Variants in ZFYVE28 observed in about 807,000 individuals in gnomAD.
ZFYVE28 encodes the protein lateral signaling target protein 2 homolog.
ZFYVE28 carries 40 observed loss-of-function variants against 82.1 expected under a neutral mutation model. The ratio of observed to expected loss-of-function variants is 0.49; its 90% CI spans 0.38 to 0.63. ZFYVE28 has a LOEUF of 0.63. Ranked by LOEUF, ZFYVE28 falls within the 30% of genes least tolerant of loss-of-function variation. The pLI is 0.00. For missense variants in ZFYVE28, 1,321 were observed against 1,242.1 expected, an observed-to-expected ratio of 1.06 and a Z score of -0.96; for synonymous variants, 612 against 546.1, an observed-to-expected ratio of 1.12 and a Z score of -1.68.
At chr4:2,410,855 A>T (rs1732451324) in intron 1 of ZFYVE28, among the ~76,000 whole-genome samples, 1 of 152,056 alleles carries the variant, frequency 6.6e-6, no homozygotes, top group Non-Finnish European at 1.5e-5. Flanking sequence ...CCTTCCATGG[A>T]CGTTTGGGTT....
Position 2,394,620 on chromosome 4 carries a change from A to T in ZFYVE28, c.39+23665T>A, listed in dbSNP as rs771385684. ...AAACATCAACGCCTCCTTTCTAACA[A>T]GGCACATGCTTCCAGCTGCTCGGGC... On this transcript the variant is annotated intron_variant, in intron 1 of 12. Coordinates refer to ENST00000290974, the MANE Select transcript of ZFYVE28 (RefSeq NM_020972.3). This position sits in a 1 kb window ranked among gnomAD's most constrained non-coding sequence, Gnocchi z 4.0. 6.6e-6 allele frequency among the ~76,000 whole-genome samples: 1 copy of T among 152,346 alleles called. No individual in the cohort carries two copies. Among genetic ancestry groups the T allele is most frequent in the East Asian group, 1.9e-4 (1 of 5,190 alleles).
chr4:2,326,093 T>C (rs1312447784), intron 6 of ZFYVE28, among the ~76,000 whole-genome samples: 2 of 152,242 alleles, frequency 1.3e-5, no homozygotes, highest in Admixed American at 6.5e-5. Context: ...TTGCTTCTCT[T>C]ACCTGCACTT....
chr4:2,291,647 C>T (rs747741846), intron 8 of ZFYVE28, among the ~76,000 whole-genome samples: 2 of 152,158 alleles, frequency 1.3e-5, no homozygotes, highest in Admixed American at 6.5e-5. Flanking sequence ...GTCAGGAGAG[C>T]GGGAACTGAG....
At chr4:2,357,617 A>G (rs576882072) in intron 1 of ZFYVE28, among the ~76,000 whole-genome samples, 42 of 152,306 alleles carry the variant, frequency 2.8e-4, no homozygotes, top group African/African-American at 9.6e-4. Flanking sequence ...GGATGGTCCC[A>G]CAGCAGACAC....
At chr4:2,384,054 G>A (rs1027886760) in intron 1 of ZFYVE28, among the ~76,000 whole-genome samples, 1 of 152,230 alleles carries the variant, frequency 6.6e-6, no homozygotes, top group Non-Finnish European at 1.5e-5. Context: ...AGGCAAGAGG[G>A]TAGGGCACAT....
At chr4:2,338,739 G>A (rs1722254922) in intron 4 of ZFYVE28, among the ~76,000 whole-genome samples, 1 of 152,248 alleles carries the variant, frequency 6.6e-6, no homozygotes, top group South Asian at 2.1e-4. Context: ...TGCATTGGTT[G>A]ATCTCCTAGG....
chr4:2,413,363 G>T (rs1378364099), intron 1 of ZFYVE28, among the ~76,000 whole-genome samples: 1 of 152,260 alleles, frequency 6.6e-6, no homozygotes, highest in Non-Finnish European at 1.5e-5. Context: ...GGCTTTCTGG[G>T]AGGGGTGGCA....
rs560153777 is a variant in ZFYVE28 at position 2,352,324 on chromosome 4, A to G, written c.180+1609T>C. ...AGACATGGAGCAGGATGAGGCCGCC[A>G]TGTCGGGGGGTGGACAGGAAGAGGC... On this transcript the variant is annotated intron_variant, in intron 2 of 12. Coordinates refer to ENST00000290974, the MANE Select transcript of ZFYVE28 (RefSeq NM_020972.3). 9.9e-5 allele frequency among the ~76,000 whole-genome samples: 15 copies of G among 151,638 alleles called. No homozygotes were observed. The East Asian group carries it at 2.7e-3, about 27-fold the overall frequency.
At chr4:2,389,750 C>T (rs978968041) in intron 1 of ZFYVE28, among the ~76,000 whole-genome samples, 1 of 152,202 alleles carries the variant, frequency 6.6e-6, no homozygotes, top group Non-Finnish European at 1.5e-5. Flanking sequence ...AAAGCAGCCC[C>T]AAAGCCCCTA....
intron 8 of ZFYVE28, among the ~76,000 whole-genome samples, chr4:2,303,379 C>T (rs1715915188): frequency 6.6e-6 from 1 of 152,174 alleles, no homozygotes; most frequent in Non-Finnish European, 1.5e-5. Context: ...CATCTGTGCC[C>T]CCCACCTTCA....
intron 7 of ZFYVE28, among the ~76,000 whole-genome samples, chr4:2,317,867 A>G (rs1718458958): frequency 6.6e-6 from 1 of 152,186 alleles, no homozygotes. Context: ...TCCTGACCTC[A>G]GGTGATCCAT....
In ZFYVE28 at chr4:2,300,483, C is replaced by T. The variant is rs1362303172; in HGVS notation, c.2051+3806G>A. On this transcript the variant is annotated intron_variant, in intron 8 of 12. Transcript: ENST00000290974. This position sits in a 1 kb window ranked among gnomAD's most constrained non-coding sequence, Gnocchi z 4.6. The stretch of plus-strand genomic sequence containing the variant: ...GCAAGGCTGATTCACTGCTGTCTGT[C>T]GAGGACGATGTCCGGACTCCCAGGT... Among the ~76,000 whole-genome samples, 1 of 152,196 alleles carries T rather than the reference C, an allele frequency of 6.6e-6. No individual in the cohort carries two copies. The highest frequency in any genetic ancestry group is 2.4e-5 in the African/African-American group (1 of 41,442).
rs73797705 is a variant in ZFYVE28 at position 2,292,214 on chromosome 4, G to A, written c.2051+12075C>T. 8.3e-3 allele frequency among the ~76,000 whole-genome samples: 1,267 copies of A among 152,292 alleles called. 20 individuals carry two copies. The highest frequency in any genetic ancestry group is 0.029 in the African/African-American group (1,216 of 41,546). On this transcript the variant is annotated intron_variant, in intron 8 of 12. Transcript: ENST00000290974. Reference sequence around the variant, plus strand: ...GGAAGGGATGGCCCAGCCATGAAGCGAACAGGAATGCCACAGACATGGAGA... The same window carrying A: ...GGAAGGGATGGCCCAGCCATGAAGCAAACAGGAATGCCACAGACATGGAGA...
At chr4:2,277,257 A>G (rs1198733216) in intron 8 of ZFYVE28, among the ~76,000 whole-genome samples, 1 of 152,210 alleles carries the variant, frequency 6.6e-6, no homozygotes, top group African/African-American at 2.4e-5. Context: ...AGGCAGGCGG[A>G]CTGCCTGAGT....
chr4:2,300,917 G>C lies in ZFYVE28; in HGVS notation c.2051+3372C>G, dbSNP rs562893311. Reference sequence around the variant, plus strand: ...GCCCGGGCTCTTCCAGATGCTCTCAGCTGAGGCAAATACCACCCTCTCCGT... The same window carrying C: ...GCCCGGGCTCTTCCAGATGCTCTCACCTGAGGCAAATACCACCCTCTCCGT... On this transcript the variant is annotated intron_variant, in intron 8 of 12. Transcript: ENST00000290974. The surrounding 1 kb of genome is among the most constrained non-coding windows in gnomAD (Gnocchi z 4.6). Among the ~76,000 whole-genome samples the C allele has an allele frequency of 6.6e-6, 1 of 152,286 alleles. No homozygotes were observed. Among genetic ancestry groups the C allele is most frequent in the South Asian group, 2.1e-4 (1 of 4,822 alleles).
intron 1 of ZFYVE28, among the ~76,000 whole-genome samples, chr4:2,380,586 T>C (rs1440772773): frequency 6.6e-6 from 1 of 152,226 alleles, no homozygotes; most frequent in Non-Finnish European, 1.5e-5. Flanking sequence ...TGATATGTTT[T>C]GGCTGTGTCC....
chr4:2,271,984 C>T lies in ZFYVE28; in HGVS notation c.2324-205G>A, dbSNP rs377490204. ...TTCCTGAGCAGGGGCCTCTCCTTTG[C>T]ACAACATGGGGGCCCAGAAGCCTGT... On this transcript the variant is annotated intron_variant, in intron 10 of 12. Transcript: ENST00000290974. Among the ~76,000 whole-genome samples, 12 of 152,328 alleles carry T rather than the reference C, an allele frequency of 7.9e-5. No homozygotes were observed. In the East Asian group the frequency reaches 9.6e-4, roughly 12 times the overall value.
In ZFYVE28 at chr4:2,339,682, G is replaced by A. The variant is rs1371156380; in HGVS notation, c.319-27C>T. The A allele has an allele frequency of 3.2e-6, 5 of 1,563,624 alleles. No individual in the cohort carries two copies. The Admixed American group carries it at 9.3e-5, about 29-fold the overall frequency. ...TGCGGGAGGGGACACACTCAGGGAGGGGCCCGGGTGAGGGCCAGGCTCTCA... is the reference window on the plus strand; with the variant it reads ...TGCGGGAGGGGACACACTCAGGGAGAGGCCCGGGTGAGGGCCAGGCTCTCA... On this transcript the variant is annotated intron_variant, in intron 3 of 12. Transcript: ENST00000290974. This position sits in a 1 kb window ranked among gnomAD's most constrained non-coding sequence, Gnocchi z 5.0.
At chr4:2,366,318 CAA>C (rs1726881667) in intron 1 of ZFYVE28, among the ~76,000 whole-genome samples, 1 of 152,248 alleles carries the variant, frequency 6.6e-6, no homozygotes, top group African/African-American at 2.4e-5. Flanking sequence ...CCTGCTTATG[CAA>C]AGCTGCACGT....
Sources: gnomAD v4.1 joint callset for allele counts (sites outside exome capture counted in the v4.1 genomes callset) on GRCh38, gnomAD v4.1.1 for gene constraint, Gnocchi (gnomAD v3.1) non-coding constraint, MANE v1.5 for transcripts, NCBI Gene and HGNC (gene_info 2026-07-23, HGNC 2026-07-21) for gene names.